VRK3: variants seen among roughly 807,000 people sequenced by gnomAD.
VRK3 encodes the protein VRK serine/threonine kinase 3, also known as serine/threonine-protein kinase VRK3.
VRK3 carries 50 observed loss-of-function variants against 60.4 expected under a neutral mutation model. The ratio of observed to expected loss-of-function variants is 0.83; its 90% CI spans 0.66 to 1.05. The LOEUF is 1.05. Ranked by LOEUF, VRK3 falls within the 50% of genes least tolerant of loss-of-function variation. The pLI is 0.00. For synonymous variants in VRK3, 246 were observed against 227.8 expected (o/e 1.08, Z -0.72); for missense variants, 549 against 585.3 (o/e 0.94, Z 0.64).
Position 49,982,554 on chromosome 19 carries a change from T to C in VRK3, c.1218-1541A>G, listed in dbSNP as rs76334263. ...AGCGTATATAGTGTGGAGGCTGAAA[T>C]AGGGAGGCAGAATGCTGTCTGGTTC... On this transcript the variant is annotated intron_variant, in intron 12 of 14. Transcript: ENST00000316763. 8.8e-3 allele frequency among the ~76,000 whole-genome samples: 1,344 copies of C among 152,262 alleles called. 11 individuals carry two copies. Among genetic ancestry groups the C allele is most frequent in the Non-Finnish European group, 0.015 (1,017 of 67,998 alleles).
chr19:50,003,539 C>A (rs2076844684), intron 5 of VRK3, among the ~76,000 whole-genome samples: 1 of 152,142 alleles, frequency 6.6e-6, no homozygotes, highest in African/African-American at 2.4e-5. Flanking sequence ...TATAGCTCAG[C>A]GAGGCCCGGG....
At chr19:50,013,564 C>T (rs925210869) in intron 3 of VRK3, among the ~76,000 whole-genome samples, 2 of 152,236 alleles carry the variant, frequency 1.3e-5, no homozygotes, top group Admixed American at 6.5e-5. Context: ...TGACTGCCTT[C>T]TGCACAACTG....
chr19:50,020,737 C>T (rs373059541), intron 1 of VRK3, 90 bp from the exon 2 acceptor site: 2 of 152,328 alleles, frequency 1.3e-5, no homozygotes, highest in African/African-American at 4.8e-5. Context: ...CTGGCCATGT[C>T]ACCAGCATGT....
At chr19:50,013,889 C>T (rs1291219340) in intron 3 of VRK3, among the ~76,000 whole-genome samples, 2 of 152,164 alleles carry the variant, frequency 1.3e-5, no homozygotes, top group African/African-American at 4.8e-5. Context: ...GGAAGGGGGA[C>T]AGGATCATTG....
intron 2 of VRK3, among the ~76,000 whole-genome samples, chr19:50,019,715 C>CTTTTTTTTTTTTTTTTTT (rs1225686835): frequency 8.5e-4 from 43 of 50,352 alleles, no homozygotes; most frequent in African/African-American, 1.2e-3. Flanking sequence ...TTTTTTTTTA[C>CTTTTTTTTTTTTTTTTTT]TTTTTGTAGA....
At chr19:50,024,849 T>C (rs1233172978) in intron 1 of VRK3, 2 of 152,222 alleles carry the variant, frequency 1.3e-5, no homozygotes, top group African/African-American at 4.8e-5. Context: ...CGTCAACTAC[T>C]GTATAGTGTT....
In VRK3 at chr19:49,997,512, G is replaced by A. The variant is rs916253490; in HGVS notation, c.671C>T (p.Pro224Leu). The change falls in exon 7 of 15, where the codon CCT becomes CTT. Residue 224 changes from proline to leucine, a missense_variant. Physicochemically the swap from Pro to Leu is moderately conservative, Grantham distance 98. Coordinates refer to ENST00000316763, the MANE Select transcript of VRK3 (RefSeq NM_016440.4). ...AGTTCCCTGTCAGGTACCTTGCAGA[G>A]GCTTGGCGGCCCGCTGGAAGAAGTT... ...EQNFFQRAAK[P>L]LQVNKWKKLY... 1 of 1,613,840 alleles carries A rather than the reference G, an allele frequency of 6.2e-7. No individual in the cohort carries two copies. Among genetic ancestry groups the A allele is most frequent in the Non-Finnish European group, 8.5e-7 (1 of 1,179,934 alleles).
Position 50,019,674 on chromosome 19 carries a change from C to CTTTTTTTTTT in VRK3, c.-2+901_-2+910dup, listed in dbSNP as rs568877003. Among the ~76,000 whole-genome samples, 75 of 45,016 alleles carry CTTTTTTTTTT rather than the reference C, an allele frequency of 1.7e-3. 8 individuals are homozygous for CTTTTTTTTTT. The highest frequency in any genetic ancestry group is 2.0e-3 in the Non-Finnish European group (45 of 22,008). 29.5% of individuals were successfully genotyped at this position (45,016 alleles called of 152,430 possible). A position where few individuals can be genotyped will look rare whatever the true frequency, so the allele number is the denominator to read the frequency against. On this transcript the variant is annotated intron_variant, in intron 2 of 14. Transcript: ENST00000316763. ...ACAGGCATGTGCCACCATGCCTGGC[C>CTTTTTTTTTT]TTTTTTTTTTTTTTTTTTTTTTTTT... is the stretch of plus-strand genomic sequence containing the variant.
At chr19:50,013,764 AG>A (rs1301874075) in intron 3 of VRK3, among the ~76,000 whole-genome samples, 1 of 152,230 alleles carries the variant, frequency 6.6e-6, no homozygotes, top group African/African-American at 2.4e-5. Flanking sequence ...CAATCAACAC[AG>A]GTTACAGAAA....
chr19:50,023,939 C>T (rs771214821), intron 1 of VRK3, among the ~76,000 whole-genome samples: 3 of 152,108 alleles, frequency 2.0e-5, no homozygotes, highest in Non-Finnish European at 2.9e-5. Flanking sequence ...CTTGCTTCTG[C>T]CATGTATTGC....
chr19:50,012,114 G>A (rs2077004669), intron 3 of VRK3, among the ~76,000 whole-genome samples: 3 of 152,038 alleles, frequency 2.0e-5, no homozygotes, highest in African/African-American at 7.2e-5. Flanking sequence ...TGGGATTACA[G>A]GCATGCACCA....
intron 6 of VRK3, chr19:49,999,392 C>G (rs545842362): frequency 2.0e-5 from 3 of 152,426 alleles, no homozygotes; most frequent in Admixed American, 2.0e-4. Flanking sequence ...TCATGCCTGC[C>G]CCACTCCCCC....
At chr19:50,011,690 T>A (rs555624183) in intron 3 of VRK3, among the ~76,000 whole-genome samples, 2,535 of 151,596 alleles carry the variant, frequency 0.017, 27 homozygotes, top group Middle Eastern at 0.034. Context: ...CCCGTGGTCC[T>A]GCCTGTCTTC....
chr19:49,997,066 T>A (rs149403807), intron 7 of VRK3: 1 of 152,702 alleles, frequency 6.5e-6, no homozygotes, highest in African/African-American at 2.4e-5. Flanking sequence ...CTCACTGCAA[T>A]CTCTGTCTCC....
chr19:50,007,056 A>G (rs182378600), intron 5 of VRK3, among the ~76,000 whole-genome samples: 1 of 151,486 alleles, frequency 6.6e-6, no homozygotes, highest in Admixed American at 6.6e-5. Flanking sequence ...TCCTTTCCTC[A>G]CTCTCAAGGC....
At position 50,007,713 on chromosome 19, in the gene VRK3, G is replaced by C; in HGVS notation, c.403C>G (p.Gln135Glu). ...CTCCGCTTCAGCGTCTGAGGGCTCTGCCTGGTCTTCTGAGGGCTACAGCTG... is the reference window on the plus strand; with the variant it reads ...CTCCGCTTCAGCGTCTGAGGGCTCTCCCTGGTCTTCTGAGGGCTACAGCTG... ...KTSCSPQKTR[Q>E]SPQTLKRSRV... is the part of the protein sequence containing the mutation. Residue 135 changes from glutamine (Q) to glutamate (E), a missense_variant, in exon 5 of 15, where the codon CAG becomes GAG. Gln to Glu is a conservative substitution (Grantham distance 29, BLOSUM62 2). Transcript: ENST00000316763. The C allele has an allele frequency of 6.2e-7, 1 of 1,614,064 alleles. No homozygotes were observed. The highest frequency in any genetic ancestry group is 8.5e-7 in the Non-Finnish European group (1 of 1,180,014).
rs1568795557 is a variant in VRK3 at position 50,000,832 on chromosome 19, G to C, written c.570C>G (p.Thr190=). 23 of 1,613,904 alleles carry C rather than the reference G, an allele frequency of 1.4e-5. No homozygotes were observed. The highest frequency in any genetic ancestry group is 1.9e-5 in the Non-Finnish European group (23 of 1,179,968). The change falls in exon 6 of 15, where the codon ACC becomes ACG. Residue 190 remains threonine (T), a synonymous_variant. Transcript: ENST00000316763. ...LYEAAPTSTL[T]CDSGPQKQKF... is the part of the protein sequence containing the mutation. Reference sequence around the variant, plus strand: ...TTTGCTTCTGTGGTCCTGAGTCACAGGTGAGGGTGGAGGTGGGTGCAGCTG... The same window carrying C: ...TTTGCTTCTGTGGTCCTGAGTCACACGTGAGGGTGGAGGTGGGTGCAGCTG...
intron 12 of VRK3, chr19:49,982,069 C>T: frequency 1.4e-6 from 1 of 698,992 alleles, no homozygotes; most frequent in Non-Finnish European, 2.6e-6. Flanking sequence ...ACGGAGATAT[C>T]TGGGTCAACC....
At chr19:50,015,063 T>A (rs2077053109) in intron 3 of VRK3, among the ~76,000 whole-genome samples, 1 of 151,680 alleles carries the variant, frequency 6.6e-6, no homozygotes, top group Non-Finnish European at 1.5e-5. Context: ...TCAAGGATGA[T>A]CCCCAGGGTC....
Sources: allele counts gnomAD v4.1 joint callset (sites outside exome capture counted in the v4.1 genomes callset), GRCh38; gene constraint gnomAD v4.1.1; transcripts MANE v1.5; gene names NCBI Gene and HGNC (gene_info 2026-07-23, HGNC 2026-07-21).